The following PHACTR1 variants were observed in gnomAD, a reference collection of about 807,000 sequenced individuals.
PHACTR1 encodes RPEL repeat containing 1.
A neutral mutation model predicts 69.2 loss-of-function variants in PHACTR1; 16 were observed. That is an observed-to-expected ratio of 0.23 (90% CI 0.16 to 0.35). The LOEUF (loss-of-function observed/expected upper bound fraction) is 0.35, where lower values mean the gene tolerates loss of function less well. PHACTR1 is among the 10% of genes least tolerant of loss of function. The pLI, the probability that PHACTR1 is intolerant of heterozygous loss-of-function variation, is 1.00. For missense variants in PHACTR1, 510 were observed against 734.7 expected, an observed-to-expected ratio of 0.69 and a Z score of 3.54; for synonymous variants, 312 against 284.5, an observed-to-expected ratio of 1.10 and a Z score of -0.97.
chr6:13,273,745 C>T (rs1248292492), intron 11 of PHACTR1: 1 of 152,220 alleles, frequency 6.6e-6, no homozygotes, highest in Admixed American at 6.5e-5. Flanking sequence ...CCAACACTGG[C>T]CTCAAGATAG....
intron 4 of PHACTR1, among the ~76,000 whole-genome samples, chr6:13,005,365 C>A (rs970425370): frequency 6.6e-6 from 1 of 152,046 alleles, no homozygotes; most frequent in African/African-American, 2.4e-5. Context: ...ATACATACAA[C>A]ATTCACATAT....
chr6:13,131,277 T>G (rs1325533793), intron 5 of PHACTR1, among the ~76,000 whole-genome samples: 3 of 149,570 alleles, frequency 2.0e-5, no homozygotes, highest in Non-Finnish European at 4.4e-5. Context: ...TAAAAAGGAA[T>G]GAAATAATGG....
At chr6:12,887,218 G>A (rs927702460) in intron 4 of PHACTR1, among the ~76,000 whole-genome samples, 20 of 152,156 alleles carry the variant, frequency 1.3e-4, no homozygotes, top group African/African-American at 4.8e-4. Flanking sequence ...CACTCCAATT[G>A]TTCTTCTCCT....
chr6:12,817,757 A>C (rs765337241), intron 4 of PHACTR1, among the ~76,000 whole-genome samples: 3 of 152,166 alleles, frequency 2.0e-5, no homozygotes, highest in Non-Finnish European at 4.4e-5. Context: ...TCTACCCTCT[A>C]TTAGTAAGGT....
At chr6:13,228,302 C>T (rs1446436696) in intron 9 of PHACTR1, among the ~76,000 whole-genome samples, 1 of 152,196 alleles carries the variant, frequency 6.6e-6, no homozygotes, top group Non-Finnish European at 1.5e-5. Context: ...CTAAAAATTA[C>T]TGCCACCTCC....
In PHACTR1 at chr6:12,750,706, C is replaced by T. The variant is rs1766518324; in HGVS notation, c.250+916C>T. ...CCCTCTGCTGCTGCTGCTCCTAACTCGACTCTAGAGTGCCTTACTCGTGTG... is the reference window on the plus strand; with the variant it reads ...CCCTCTGCTGCTGCTGCTCCTAACTTGACTCTAGAGTGCCTTACTCGTGTG... On this transcript the variant is annotated intron_variant, in intron 4 of 14. Coordinates refer to ENST00000332995, the MANE Select transcript of PHACTR1 (RefSeq NM_030948.6). Among the ~76,000 whole-genome samples, 2 of 152,112 alleles carry T rather than the reference C, an allele frequency of 1.3e-5. 1 individual carries two copies. The highest frequency in any genetic ancestry group is 3.9e-4 in the East Asian group (2 of 5,188).
At chr6:12,809,045 GT>G (rs1180743731) in intron 4 of PHACTR1, among the ~76,000 whole-genome samples, 4 of 151,630 alleles carry the variant, frequency 2.6e-5, no homozygotes, top group African/African-American at 4.8e-5. Flanking sequence ...TCCCAGCTAA[GT>G]TTTTTTTGGT....
intron 4 of PHACTR1, among the ~76,000 whole-genome samples, chr6:12,940,009 GA>G (rs1198509889): frequency 6.6e-6 from 1 of 152,138 alleles, no homozygotes; most frequent in Non-Finnish European, 1.5e-5. Context: ...GGCAAGAAAG[GA>G]AACACTTTTG....
intron 4 of PHACTR1, among the ~76,000 whole-genome samples, chr6:12,990,953 A>G (rs1796755544): frequency 6.6e-6 from 1 of 152,136 alleles, no homozygotes; most frequent in Non-Finnish European, 1.5e-5. Context: ...GTGTTCAGCC[A>G]CTTTTCTCTT....
intron 5 of PHACTR1, among the ~76,000 whole-genome samples, chr6:13,097,039 C>A (rs141801886): frequency 6.6e-6 from 1 of 152,132 alleles, no homozygotes; most frequent in Non-Finnish European, 1.5e-5. Flanking sequence ...TTACTATAAA[C>A]ATTAATAAGG....
At position 12,771,880 on chromosome 6, in the gene PHACTR1, T is replaced by C. The variant is rs1353509925; in HGVS notation, c.250+22090T>C. On this transcript the variant is annotated intron_variant, in intron 4 of 14. Coordinates refer to ENST00000332995, the MANE Select transcript of PHACTR1 (RefSeq NM_030948.6). The stretch of plus-strand genomic sequence containing the variant: ...ACAAGGGCAAGACTGGGGGAAGGGG[T>C]GTTCTGGGGAAATGGAAGAAACAGC... Among the ~76,000 whole-genome samples, 3 of 151,792 alleles carry C rather than the reference T, an allele frequency of 2.0e-5. 1 individual carries two copies. Among genetic ancestry groups the C allele is most frequent in the Non-Finnish European group, 4.4e-5 (3 of 67,948 alleles).
chr6:12,773,802 C>A (rs1413315179), intron 4 of PHACTR1, among the ~76,000 whole-genome samples: 4 of 152,160 alleles, frequency 2.6e-5, no homozygotes, highest in African/African-American at 9.7e-5. Context: ...AATATTTTTC[C>A]CATTCTACAA....
Position 13,072,988 on chromosome 6 carries a change from C to T in PHACTR1, c.415+19459C>T, listed in dbSNP as rs1182797091. Among the ~76,000 whole-genome samples the T allele has an allele frequency of 3.3e-5, 5 of 152,018 alleles. No homozygotes were observed. In the East Asian group the frequency reaches 5.8e-4, roughly 18 times the overall value. Reference sequence around the variant, plus strand: ...CTGTCCAGAGTGGCCTCAGGGAAGCCGTGATCATTGGCCTTTATTTAGACT... The same window carrying T: ...CTGTCCAGAGTGGCCTCAGGGAAGCTGTGATCATTGGCCTTTATTTAGACT... On this transcript the variant is annotated intron_variant, in intron 5 of 14. Coordinates refer to ENST00000332995, the MANE Select transcript of PHACTR1 (RefSeq NM_030948.6).
chr6:12,737,209 C>T (rs1764376418), intron 3 of PHACTR1, among the ~76,000 whole-genome samples: 1 of 152,118 alleles, frequency 6.6e-6, no homozygotes, highest in Non-Finnish European at 1.5e-5. Context: ...TACTAACTTG[C>T]ACAGCACGTT....
intron 7 of PHACTR1, among the ~76,000 whole-genome samples, chr6:13,190,196 G>GTTTTTTTTTTTTTTTTTT (rs1220683843): frequency 1.6e-4 from 5 of 31,798 alleles, no homozygotes; most frequent in East Asian, 2.1e-3. Flanking sequence ...GCTAATTTTT[G>GTTTTTTTTTTTTTTTTTT]TATTTTTTTT....
Position 13,133,244 on chromosome 6 carries a change from T to TC in PHACTR1, c.416-26960_416-26959insC, listed in dbSNP as rs1561876483. 1.1e-3 allele frequency among the ~76,000 whole-genome samples: 29 copies of TC among 27,190 alleles called. 1 individual carries two copies. Among genetic ancestry groups the TC allele is most frequent in the African/African-American group, 4.4e-3 (21 of 4,738 alleles). The allele number at this position is 27,190 out of a possible 152,430, so 17.8% of individuals were successfully genotyped here. ...CTCCCCCTCCCCCTCTCCCTCTCCCTTTCCCTCTCCCTCTCCCCACAGTCT... is the reference window on the plus strand; with the variant it reads ...CTCCCCCTCCCCCTCTCCCTCTCCCTCTTCCCTCTCCCTCTCCCCACAGTCT... On this transcript the variant is annotated intron_variant, in intron 5 of 14. Coordinates refer to ENST00000332995, the MANE Select transcript of PHACTR1 (RefSeq NM_030948.6).
intron 4 of PHACTR1, among the ~76,000 whole-genome samples, chr6:12,874,981 G>T (rs530879792): frequency 6.6e-6 from 1 of 152,084 alleles, no homozygotes; most frequent in Non-Finnish European, 1.5e-5. Context: ...GAATCATCTG[G>T]TATTCAAATG....
chr6:12,958,171 T>C (rs1433977100), intron 4 of PHACTR1: 2 of 448,172 alleles, frequency 4.5e-6, no homozygotes, highest in East Asian at 3.1e-4. Context: ...GATTTGGTTT[T>C]GAAATCCTCG....
chr6:12,964,441 T>A (rs1035102960), intron 4 of PHACTR1, among the ~76,000 whole-genome samples: 3 of 151,914 alleles, frequency 2.0e-5, no homozygotes, highest in Admixed American at 1.3e-4. Context: ...TACAGGAGAA[T>A]GGGGAACAGA....
Sources: allele counts gnomAD v4.1 joint callset (sites outside exome capture counted in the v4.1 genomes callset), GRCh38; gene constraint gnomAD v4.1.1; transcripts MANE v1.5; gene names NCBI Gene and HGNC (gene_info 2026-07-23, HGNC 2026-07-21).